Variants in TRAPPC9 observed in about 807,000 individuals in gnomAD.
TRAPPC9 encodes the protein IKK2 binding protein.
Under a neutral mutation model 124.0 loss-of-function variants are expected in TRAPPC9, and 83 were observed. The ratio of observed to expected loss-of-function variants is 0.67; its 90% CI spans 0.56 to 0.80. The LOEUF is 0.80. Ranked by LOEUF, TRAPPC9 falls within the 30% of genes least tolerant of loss-of-function variation. TRAPPC9 has a pLI of 0.00. For synonymous variants in TRAPPC9, 638 were observed against 617.5 expected (o/e 1.03, Z -0.49); for missense variants, 1,302 against 1,508.3 (o/e 0.86, Z 2.27).
At chr8:140,386,531 CAGAG>C (rs1194220913) in intron 7 of TRAPPC9, among the ~76,000 whole-genome samples, 1 of 152,068 alleles carries the variant, frequency 6.6e-6, no homozygotes, top group Admixed American at 6.6e-5. Context: ...AACAGACAAA[CAGAG>C]AGCCAAATCA....
At position 139,802,010 on chromosome 8, in the gene TRAPPC9, C is replaced by T. The variant is rs141346801; in HGVS notation, c.3056-69808G>A. 1.7e-3 allele frequency among the ~76,000 whole-genome samples: 257 copies of T among 152,294 alleles called. 8 individuals carry two copies. In the East Asian group the frequency reaches 0.029, roughly 17 times the overall value. On this transcript the variant is annotated intron_variant, in intron 21 of 22. Coordinates refer to ENST00000438773, the MANE Select transcript of TRAPPC9 (RefSeq NM_001160372.4). ...CCACCCAGGTGCTCTTAGCAGAGCTCACTCAAGGTGCTGTGTCTCCCAGGA... is the reference window on the plus strand; with the variant it reads ...CCACCCAGGTGCTCTTAGCAGAGCTTACTCAAGGTGCTGTGTCTCCCAGGA...
chr8:139,792,620 C>A (rs1822776982), intron 21 of TRAPPC9, among the ~76,000 whole-genome samples: 1 of 152,198 alleles, frequency 6.6e-6, no homozygotes, highest in Non-Finnish European at 1.5e-5. Flanking sequence ...AGCCCTGCTA[C>A]CCTGTGTCTG....
intron 9 of TRAPPC9, among the ~76,000 whole-genome samples, chr8:140,317,315 G>A (rs1438048940): frequency 6.6e-6 from 1 of 152,022 alleles, no homozygotes; most frequent in Non-Finnish European, 1.5e-5. Context: ...TTATTTGAAA[G>A]CTTTCTTCTT....
chr8:140,165,372 A>C (rs1435052589), intron 17 of TRAPPC9, among the ~76,000 whole-genome samples: 1 of 147,034 alleles, frequency 6.8e-6, no homozygotes, highest in South Asian at 2.3e-4. Flanking sequence ...AAAATAAAAT[A>C]ATAAAAATAC....
chr8:139,891,712 G>A (rs1333532618), intron 20 of TRAPPC9, among the ~76,000 whole-genome samples: 1 of 152,216 alleles, frequency 6.6e-6, no homozygotes, highest in African/African-American at 2.4e-5. Flanking sequence ...AAAAAATGCA[G>A]AGTCCACCAT....
chr8:139,784,605 TG>T (rs1208932036), intron 21 of TRAPPC9, among the ~76,000 whole-genome samples: 16 of 28,996 alleles, frequency 5.5e-4, no homozygotes, highest in African/African-American at 2.0e-3. Flanking sequence ...AATAAAAGAC[TG>T]ACATATATAT....
At chr8:139,927,323 C>A (rs1039331544) in intron 19 of TRAPPC9, among the ~76,000 whole-genome samples, 1 of 152,152 alleles carries the variant, frequency 6.6e-6, no homozygotes, top group Non-Finnish European at 1.5e-5. Context: ...TAGCTCACTG[C>A]AGCCTAGACC....
chr8:139,983,618 A>C (rs1396961991), intron 19 of TRAPPC9, among the ~76,000 whole-genome samples: 5 of 152,170 alleles, frequency 3.3e-5, no homozygotes, highest in Admixed American at 1.3e-4. Context: ...TGAATTAACA[A>C]ATGAACACCC....
At chr8:140,139,228 G>A (rs1260805831) in intron 17 of TRAPPC9, among the ~76,000 whole-genome samples, 1 of 152,138 alleles carries the variant, frequency 6.6e-6, no homozygotes, top group Non-Finnish European at 1.5e-5. Flanking sequence ...ACTGCCGGGA[G>A]CCTGTCCCAT....
intron 21 of TRAPPC9, among the ~76,000 whole-genome samples, chr8:139,800,987 C>T (rs77935032): frequency 0.13 from 18,194 of 140,896 alleles, 1,594 homozygotes; most frequent in East Asian, 0.27. Context: ...GCATCTTCCC[C>T]CGCTCTGGCA....
chr8:140,354,350 TA>T (rs1233923923), intron 9 of TRAPPC9, among the ~76,000 whole-genome samples: 1 of 152,182 alleles, frequency 6.6e-6, no homozygotes, highest in Non-Finnish European at 1.5e-5. Flanking sequence ...GATGGCCCTG[TA>T]CCCATGATCA....
intron 19 of TRAPPC9, among the ~76,000 whole-genome samples, chr8:139,919,158 T>A (rs1157543122): frequency 6.6e-6 from 1 of 152,190 alleles, no homozygotes; most frequent in African/African-American, 2.4e-5. Flanking sequence ...AGGGGTGCTG[T>A]GCCGAGGAAG....
chr8:140,424,586 G>T (rs1242602579), intron 5 of TRAPPC9, among the ~76,000 whole-genome samples: 1 of 150,110 alleles, frequency 6.7e-6, no homozygotes, highest in East Asian at 2.0e-4. Flanking sequence ...CTAGGATCGC[G>T]CCTGTGAATA....
intron 21 of TRAPPC9, among the ~76,000 whole-genome samples, chr8:139,735,132 A>C (rs1818073366): frequency 6.6e-6 from 1 of 152,208 alleles, no homozygotes; most frequent in Non-Finnish European, 1.5e-5. Flanking sequence ...TGTCCTGCTG[A>C]GTCCAGAAGG....
intron 17 of TRAPPC9, among the ~76,000 whole-genome samples, chr8:140,064,044 T>C (rs1842773969): frequency 6.6e-6 from 1 of 151,982 alleles, no homozygotes; most frequent in Non-Finnish European, 1.5e-5. Context: ...TTTCTCTGTG[T>C]AGCCATTTAT....
At chr8:140,202,696 G>A (rs1301538160) in intron 17 of TRAPPC9, among the ~76,000 whole-genome samples, 1 of 152,156 alleles carries the variant, frequency 6.6e-6, no homozygotes, top group Non-Finnish European at 1.5e-5. Context: ...TGGTTGCAAG[G>A]AGAAAAACAA....
intron 17 of TRAPPC9, among the ~76,000 whole-genome samples, chr8:140,133,730 CA>C (rs1167641428): frequency 6.6e-6 from 1 of 151,978 alleles, no homozygotes; most frequent in East Asian, 1.9e-4. Context: ...ATTCAGCACA[CA>C]AAAATCTGTT....
chr8:140,007,791 T>C (rs952558877), intron 18 of TRAPPC9, among the ~76,000 whole-genome samples: 3 of 152,360 alleles, frequency 2.0e-5, no homozygotes, highest in South Asian at 2.1e-4. Context: ...AATTTTAACA[T>C]ATAATATTTA....
chr8:139,858,780 G>C (rs1379382596), intron 21 of TRAPPC9, among the ~76,000 whole-genome samples: 4 of 151,876 alleles, frequency 2.6e-5, no homozygotes, highest in African/African-American at 9.7e-5. Flanking sequence ...GTTTTGCCGA[G>C]GCCAGAGCCG....
Sources: gnomAD v4.1 joint callset for allele counts (sites outside exome capture counted in the v4.1 genomes callset) on GRCh38, gnomAD v4.1.1 for gene constraint, MANE v1.5 for transcripts, NCBI Gene and HGNC (gene_info 2026-07-23, HGNC 2026-07-21) for gene names.